The following PALM2AKAP2 variants were observed in gnomAD, a reference collection of about 807,000 sequenced individuals.
The protein encoded by PALM2AKAP2 is PALM2-AKAP2 fusion protein.
Under a neutral mutation model 71.5 loss-of-function variants are expected in PALM2AKAP2, and 37 were observed. The ratio of observed to expected loss-of-function variants is 0.52; its 90% CI spans 0.40 to 0.68. PALM2AKAP2 has a LOEUF of 0.68. Among genes scored for constraint, PALM2AKAP2 ranks in the 30% least tolerant of loss-of-function variants. The probability of loss-of-function intolerance (pLI) is 0.00; values close to 1 mark genes in which losing one functional copy is unlikely to be tolerated. For synonymous variants in PALM2AKAP2, 468 were observed against 478.8 expected (o/e 0.98, Z 0.29); for missense variants, 1,224 against 1,191.8 (o/e 1.03, Z -0.40).
At chr9:110,099,995 C>T (rs952838414) in intron 1 of PALM2AKAP2, among the ~76,000 whole-genome samples, 1 of 134,728 alleles carries the variant, frequency 7.4e-6, no homozygotes, top group Non-Finnish European at 1.5e-5. Context: ...ACACATATAA[C>T]ATGCATATAT....
intron 1 of PALM2AKAP2, among the ~76,000 whole-genome samples, chr9:109,746,082 G>A (rs1828796070): frequency 6.6e-6 from 1 of 152,188 alleles, no homozygotes; most frequent in East Asian, 1.9e-4. Flanking sequence ...AGCCCGGGAG[G>A]AACACTTCAG....
In PALM2AKAP2 at chr9:110,086,882, G is replaced by A. The variant is rs79532547; in HGVS notation, c.156+38027G>A. ...CTCTCACCCATTGCCCTAGGAAGAAGACCCCAAATCCTTGGCATTCAAAGC... is the reference window on the plus strand; with the variant it reads ...CTCTCACCCATTGCCCTAGGAAGAAAACCCCAAATCCTTGGCATTCAAAGC... On this transcript the variant is annotated intron_variant, in intron 1 of 3. Transcript: ENST00000374525. Among the ~76,000 whole-genome samples, 356 of 152,248 alleles carry A rather than the reference G, an allele frequency of 2.3e-3. 2 individuals are homozygous for A. Among genetic ancestry groups the A allele is most frequent in the African/African-American group, 8.3e-3 (345 of 41,550 alleles).
At chr9:110,009,395 C>G (rs1888990) in intron 6 of PALM2AKAP2, among the ~76,000 whole-genome samples, 150,027 of 152,310 alleles carry the variant, frequency 0.99, 73,898 homozygotes, top group Middle Eastern at 1. Flanking sequence ...TCATTGTTTA[C>G]TGTTACATTG....
intron 3 of PALM2AKAP2, among the ~76,000 whole-genome samples, chr9:109,919,818 T>G (rs1026145162): frequency 6.6e-6 from 1 of 152,008 alleles, no homozygotes; most frequent in Non-Finnish European, 1.5e-5. Context: ...AGTTCATTAT[T>G]ACCACAATAA....
chr9:109,716,058 T>C (rs538744238), intron 1 of PALM2AKAP2, among the ~76,000 whole-genome samples: 1 of 152,296 alleles, frequency 6.6e-6, no homozygotes, highest in Non-Finnish European at 1.5e-5. Context: ...GTGATTCTTA[T>C]CTCAGCCAAA....
intron 1 of PALM2AKAP2, among the ~76,000 whole-genome samples, chr9:109,857,830 C>A (rs1829208485): frequency 6.6e-6 from 1 of 152,284 alleles, no homozygotes; most frequent in Middle Eastern, 3.4e-3. Flanking sequence ...AACTGCGGGG[C>A]AATTCTTACT....
At chr9:109,769,356 C>G (rs937358149) in intron 1 of PALM2AKAP2, among the ~76,000 whole-genome samples, 1 of 152,094 alleles carries the variant, frequency 6.6e-6, no homozygotes, top group Non-Finnish European at 1.5e-5. Flanking sequence ...TTGAGTCTGT[C>G]TGGTGCTGGG....
chr9:109,809,803 G>T (rs1166013249), intron 1 of PALM2AKAP2, among the ~76,000 whole-genome samples: 1 of 152,144 alleles, frequency 6.6e-6, no homozygotes, highest in African/African-American at 2.4e-5. Context: ...TGAATCACAG[G>T]GGTGGTTACC....
chr9:109,841,342 A>G (rs563569098), intron 1 of PALM2AKAP2, among the ~76,000 whole-genome samples: 95 of 146,542 alleles, frequency 6.5e-4, no homozygotes, highest in African/African-American at 1.4e-3. Context: ...CAGGAAGGGG[A>G]ACATCATACA....
upstream of PALM2AKAP2, among the ~76,000 whole-genome samples, chr9:110,047,973 C>A (rs1168837826): frequency 2.0e-5 from 3 of 152,228 alleles, no homozygotes; most frequent in African/African-American, 7.2e-5. Context: ...TTCCCCTCCG[C>A]TGGCTTTGTT....
chr9:109,777,952 G>A (rs1175113147), upstream of PALM2AKAP2, among the ~76,000 whole-genome samples: 1 of 152,180 alleles, frequency 6.6e-6, no homozygotes, highest in Non-Finnish European at 1.5e-5. Flanking sequence ...CTTCTATTCA[G>A]AGTTCAGATA....
intron 1 of PALM2AKAP2, among the ~76,000 whole-genome samples, chr9:110,096,791 G>C (rs925904539): frequency 1.4e-5 from 2 of 145,920 alleles, no homozygotes; most frequent in Admixed American, 1.4e-4. Flanking sequence ...GTGGGGGGTT[G>C]GGGGGGGGTG....
At chr9:109,841,382 G>T (rs959239119) in intron 1 of PALM2AKAP2, among the ~76,000 whole-genome samples, 1 of 148,402 alleles carries the variant, frequency 6.7e-6, no homozygotes, top group Non-Finnish European at 1.5e-5. Flanking sequence ...GGGGGTAGGG[G>T]GGAGGGATAG....
At chr9:109,641,006 C>T (rs1013772182) in intron 1 of PALM2AKAP2, 28 of 1,269,246 alleles carry the variant, frequency 2.2e-5, no homozygotes, top group Admixed American at 3.6e-5. Flanking sequence ...CCTGGTGTTT[C>T]TATAGCAGCC....
intron 1 of PALM2AKAP2, chr9:110,048,912 G>C (rs981094557): frequency 3.5e-6 from 5 of 1,436,624 alleles, no homozygotes; most frequent in Non-Finnish European, 4.5e-6. Flanking sequence ...GTGAGGAAGG[G>C]GTGGCCGAGG....
chr9:109,651,620 G>T (rs113602995), intron 1 of PALM2AKAP2, among the ~76,000 whole-genome samples: 125 of 152,256 alleles, frequency 8.2e-4, no homozygotes, highest in African/African-American at 2.8e-3. Flanking sequence ...GGTGATTTCT[G>T]TTTGTTCATA....
intron 1 of PALM2AKAP2, among the ~76,000 whole-genome samples, chr9:110,050,872 C>T (rs1833696903): frequency 6.6e-6 from 1 of 152,230 alleles, no homozygotes. Flanking sequence ...AGGTGATTCA[C>T]CTGCCTCGGC....
At chr9:109,780,440 C>T (rs189562772), upstream of PALM2AKAP2, 470 of 1,612,350 alleles carry the variant, frequency 2.9e-4, 2 homozygotes, top group African/African-American at 5.6e-3. Flanking sequence ...GTGACTACAG[C>T]GTGTGTTTTT....
chr9:110,124,979 CT>C (rs1169097352), intron 1 of PALM2AKAP2, among the ~76,000 whole-genome samples: 2 of 152,070 alleles, frequency 1.3e-5, no homozygotes, highest in African/African-American at 4.8e-5. Context: ...AAAATATTAA[CT>C]TTTTTTCTGA....
Sources: allele counts gnomAD v4.1 joint callset (sites outside exome capture counted in the v4.1 genomes callset), GRCh38; gene constraint gnomAD v4.1.1; transcripts MANE v1.5; gene names NCBI Gene and HGNC (gene_info 2026-07-23, HGNC 2026-07-21).